The following IDH3G variants were observed in gnomAD, a reference collection of about 807,000 sequenced individuals.
The protein encoded by IDH3G is isocitrate dehydrogenase (NAD(+)) 3 non-catalytic subunit gamma.
In IDH3G, 9 loss-of-function variants were observed where a neutral mutation model predicts 26.9. That is an observed-to-expected ratio of 0.34 (90% CI 0.20 to 0.58). The LOEUF (loss-of-function observed/expected upper bound fraction) is 0.58, where lower values mean the gene tolerates loss of function less well. IDH3G is among the 20% of genes least tolerant of loss of function. The pLI is 0.85. For synonymous variants in IDH3G, 181 were observed against 160.0 expected (o/e 1.13, Z -0.99); for missense variants, 250 against 372.8 (o/e 0.67, Z 2.71).
rs374541243 is a variant in IDH3G at position 153,791,011 on chromosome X, G to A, written c.82-160C>T. 8.6e-6 allele frequency: 4 copies of A among 463,464 alleles called. No homozygotes were observed. The East Asian group carries it at 1.5e-4, about 18-fold the overall frequency. The allele number at this position is 463,464 out of a possible 1,213,427, so 38.2% of individuals were successfully genotyped here. ...ATAGATAATTAGCTCCAAAGCCTCA[G>A]TCCCCAGGGCCGGCCCGCTGGAGCA... On this transcript the variant is annotated intron_variant, in intron 1 of 12. Coordinates refer to ENST00000217901, the MANE Select transcript of IDH3G (RefSeq NM_004135.4).
At position 153,786,918 on chromosome X, in the gene IDH3G, G is replaced by A. The variant is rs781845860; in HGVS notation, c.807C>T (p.Val269=). ...TGCCATAGAGATTGGGCATCACCAT[G>A]ACATCAAACTGCTGGGGCCGGGACA... ...QLVSRPQQFD[V]MVMPNLYGNI... The change falls in exon 10 of 13, where the codon GTC becomes GTT. Residue 269 remains valine, a synonymous_variant. Coordinates refer to ENST00000217901, the MANE Select transcript of IDH3G (RefSeq NM_004135.4). 1.7e-6 allele frequency: 2 copies of A among 1,210,279 alleles called. No individual in the cohort carries two copies. Among genetic ancestry groups the A allele is most frequent in the South Asian group, 3.5e-5 (2 of 57,015 alleles).
At chrX:153,787,331 G>A in intron 8 of IDH3G, 133 bp downstream of exon 8, 1 of 887,461 alleles carries the variant, frequency 1.1e-6, no homozygotes. Context: ...AGGCCTCGAG[G>A]GCAACAGGGC....
intron 12 of IDH3G, 112 bp from the exon 13 acceptor site, chrX:153,786,085 C>T: frequency 8.3e-7 from 1 of 1,200,050 alleles, no homozygotes; most frequent in African/African-American, 1.7e-5. Context: ...AGCTAAGGGC[C>T]AGAAGATGGG....
intron 1 of IDH3G, chrX:153,793,840 T>G: frequency 8.5e-6 from 1 of 117,202 alleles, no homozygotes; most frequent in Non-Finnish European, 1.8e-5. Flanking sequence ...GCCACCGGGA[T>G]AGGTGGCAAA....
intron 1 of IDH3G, 103 bp downstream of exon 1, chrX:153,794,143 G>C (rs1223970368): frequency 2.2e-6 from 2 of 925,599 alleles, no homozygotes; most frequent in African/African-American, 4.0e-5. Context: ...CCCCGCCCCT[G>C]GTGGGGCCCC....
At chrX:153,789,862 C>G (rs782562943) in intron 4 of IDH3G, 38 bp from the exon 5 acceptor site, 1 of 920,798 alleles carries the variant, frequency 1.1e-6, no homozygotes, top group Non-Finnish European at 1.6e-6. Context: ...GGCCCAGACC[C>G]CCCCGCACCT....
rs781921653 is a variant in IDH3G, at chrX:153,789,787, C to T, written c.271G>A (p.Val91Met). The change falls in exon 5 of 13, where the codon GTG (valine) becomes ATG (methionine). Residue 91 changes from valine (V) to methionine (M), a missense_variant. By Grantham distance (21) the Val-to-Met change is conservative. Transcript: ENST00000217901. The stretch of plus-strand genomic sequence containing the variant: ...TCCTCTTCATCAGCATTGGAACTCA[C>T]GTGCACCTCTTCAAAGTCCACTGGT... Reference protein sequence around the residue: ...CVPVDFEEVHVSSNADEEDIR... With the variant: ...CVPVDFEEVHMSSNADEEDIR... 8.3e-7 allele frequency: 1 copy of T among 1,205,908 alleles called. No individual in the cohort carries two copies. Among genetic ancestry groups the T allele is most frequent in the Admixed American group, 2.2e-5 (1 of 45,790 alleles).
intron 1 of IDH3G, chrX:153,793,623 G>A (rs1490382363): frequency 8.9e-6 from 1 of 112,097 alleles, no homozygotes; most frequent in Admixed American, 9.4e-5. Context: ...GCCCACCTAG[G>A]ACCTAAATTA....
intron 1 of IDH3G, chrX:153,791,129 T>C (rs1339987718): frequency 3.0e-6 from 1 of 337,637 alleles, no homozygotes; most frequent in Non-Finnish European, 5.2e-6. Flanking sequence ...TCCTCTTTTT[T>C]GCTTCTGATT....
At chrX:153,788,034 T>C (rs1232563349) in intron 6 of IDH3G, 41 bp downstream of exon 6, 1 of 1,209,086 alleles carries the variant, frequency 8.3e-7, no homozygotes, top group Non-Finnish European at 1.1e-6. Context: ...TCACCCCACC[T>C]TAGCCCCACC....
At chrX:153,790,746 A>G (rs2092106454) in intron 2 of IDH3G, 64 bp downstream of exon 2, 5 of 1,117,308 alleles carry the variant, frequency 4.5e-6, no homozygotes, top group African/African-American at 1.8e-5. Flanking sequence ...CAGGCCGTGC[A>G]CACACGCGCA....
chrX:153,788,823 T>G (rs781931754), intron 5 of IDH3G, among the ~76,000 whole-genome samples: 1 of 112,755 alleles, frequency 8.9e-6, no homozygotes, highest in South Asian at 3.6e-4. Flanking sequence ...CCTCACACAG[T>G]GCAAGTAATG....
intron 4 of IDH3G, 111 bp downstream of exon 4, chrX:153,790,084 G>A (rs1409495027): frequency 2.3e-4 from 144 of 630,786 alleles, no homozygotes; most frequent in Non-Finnish European, 6.7e-5. Flanking sequence ...TGGGCTTACA[G>A]GTCGTCTTGC....
intron 6 of IDH3G, 29 bp downstream of exon 6, chrX:153,788,046 A>C (rs782408906): frequency 8.3e-7 from 1 of 1,209,774 alleles, no homozygotes; most frequent in East Asian, 3.0e-5. Flanking sequence ...AGCCCCACCA[A>C]GCCCCCAGCC....
At chrX:153,794,051 G>C in intron 1 of IDH3G, 195 bp downstream of exon 1, 1 of 443,297 alleles carries the variant, frequency 2.3e-6, no homozygotes, top group Non-Finnish European at 3.7e-6. Flanking sequence ...AGACCCCCTG[G>C]GGGAGCCGGT....
Position 153,790,552 on chromosome X carries a change from A to T in IDH3G, c.135+12T>A. 1 of 1,207,271 alleles carries T rather than the reference A, an allele frequency of 8.3e-7. No homozygotes were observed. Among genetic ancestry groups the T allele is most frequent in the Non-Finnish European group, 1.1e-6 (1 of 891,603 alleles). On this transcript the variant is annotated intron_variant, in intron 3 of 12. Transcript: ENST00000217901. Reference sequence around the variant, plus strand: ...AGCCCCCCAAACCTAACAGGCAGAGAAGAATACTCACAATTGTTTGTTCCT... The same window carrying T: ...AGCCCCCCAAACCTAACAGGCAGAGTAGAATACTCACAATTGTTTGTTCCT...
Position 153,789,694 on chromosome X carries a change from C to T in IDH3G, c.346+18G>A. ...TCACACCTAGGGCCCCATCCTGGCC[C>T]CTGGCCCTGGAGCTCACCCTTCAGG... On this transcript the variant is annotated intron_variant, in intron 5 of 12. Coordinates refer to ENST00000217901, the MANE Select transcript of IDH3G (RefSeq NM_004135.4). 1 of 1,047,043 alleles carries T rather than the reference C, an allele frequency of 9.6e-7. No individual in the cohort carries two copies. The highest frequency in any genetic ancestry group is 1.3e-6 in the Non-Finnish European group (1 of 754,469). 86.3% of individuals were successfully genotyped at this position (1,047,043 alleles called of 1,213,427 possible). A position where few individuals can be genotyped will look rare whatever the true frequency, so the allele number is the denominator to read the frequency against.
intron 4 of IDH3G, 44 bp downstream of exon 4, chrX:153,790,151 G>A: frequency 9.3e-7 from 1 of 1,074,954 alleles, no homozygotes; most frequent in Non-Finnish European, 1.3e-6. Flanking sequence ...AAGTCCTCAG[G>A]GCCCCCTGGC....
chrX:153,789,656 A>G (rs2092101974), intron 5 of IDH3G, 56 bp downstream of exon 5: 3 of 682,835 alleles, frequency 4.4e-6, no homozygotes, highest in Non-Finnish European at 6.8e-6. Context: ...GAAGGAAGAA[A>G]GCAAGAAAGA....
Sources: gnomAD v4.1 joint callset for allele counts (sites outside exome capture counted in the v4.1 genomes callset) on GRCh38, gnomAD v4.1.1 for gene constraint, MANE v1.5 for transcripts, NCBI Gene and HGNC (gene_info 2026-07-23, HGNC 2026-07-21) for gene names.